The following PNLIP variants were observed in gnomAD, a reference collection of about 807,000 sequenced individuals.
PNLIP encodes the protein pancreatic lipase.
PNLIP carries 49 observed loss-of-function variants against 57.1 expected under a neutral mutation model. The ratio of observed to expected loss-of-function variants is 0.86; its 90% CI spans 0.68 to 1.09. The LOEUF is 1.09. Among genes scored for constraint, PNLIP ranks in the 50% least tolerant of loss-of-function variants. The pLI is 0.00. For missense variants in PNLIP, 503 were observed against 570.2 expected (o/e 0.88, Z 1.20); for synonymous variants, 209 against 200.4 (o/e 1.04, Z -0.36).
At chr10:116,554,455 C>G (rs551283650) in intron 6 of PNLIP, among the ~76,000 whole-genome samples, 15 of 152,114 alleles carry the variant, frequency 9.9e-5, no homozygotes, top group Admixed American at 6.5e-4. Context: ...AATGAGATAA[C>G]GAATAGTATT....
chr10:116,558,769 C>T (rs1173714941), intron 9 of PNLIP, among the ~76,000 whole-genome samples: 2 of 151,654 alleles, frequency 1.3e-5, no homozygotes, highest in African/African-American at 2.4e-5. Context: ...GGATTACAGG[C>T]GCCTGCCACC....
intron 6 of PNLIP, 48 bp from the exon 7 acceptor site, chr10:116,555,130 T>G (rs778476564): frequency 3.1e-6 from 5 of 1,607,494 alleles, no homozygotes; most frequent in Non-Finnish European, 4.3e-6. Context: ...CTCTTAATAC[T>G]TGTACTCAGG....
chr10:116,550,942 A>G (rs1475391597), intron 4 of PNLIP, among the ~76,000 whole-genome samples, 156 bp from the exon 5 acceptor site: 1 of 152,246 alleles, frequency 6.6e-6, no homozygotes, highest in Non-Finnish European at 1.5e-5. Context: ...CAGAGATTAT[A>G]TATCTATAAC....
intron 12 of PNLIP, among the ~76,000 whole-genome samples, chr10:116,565,268 A>AAAC (rs1251179391): frequency 6.7e-6 from 1 of 149,838 alleles, no homozygotes; most frequent in Non-Finnish European, 1.5e-5. Context: ...AAAAAAAAAA[A>AAAC]AAAGAGCTAA....
At chr10:116,550,852 G>C (rs1311614938) in intron 4 of PNLIP, among the ~76,000 whole-genome samples, 1 of 152,138 alleles carries the variant, frequency 6.6e-6, no homozygotes, top group Non-Finnish European at 1.5e-5. Flanking sequence ...AAATGTCTCT[G>C]TATCTGCTAC....
chr10:116,565,738 G>A (rs1222704240), intron 12 of PNLIP, among the ~76,000 whole-genome samples: 3 of 152,174 alleles, frequency 2.0e-5, no homozygotes, highest in East Asian at 1.9e-4. Flanking sequence ...CTGAGTCAGC[G>A]ATTTTGGTGT....
chr10:116,555,167 C>G lies in PNLIP; in HGVS notation c.572-11C>G. Reference sequence around the variant, plus strand: ...CTTGTCATAATTCATGAAACATACTCTTTACTTTAGGGTTGGACCCAGCAG... The same window carrying G: ...CTTGTCATAATTCATGAAACATACTGTTTACTTTAGGGTTGGACCCAGCAG... On this transcript the variant is annotated splice_polypyrimidine_tract_variant and intron_variant, in intron 6 of 12. Transcript: ENST00000369221. 6.2e-7 allele frequency: 1 copy of G among 1,614,008 alleles called. No homozygotes were observed. Among genetic ancestry groups the G allele is most frequent in the Non-Finnish European group, 8.5e-7 (1 of 1,179,898 alleles).
In PNLIP at chr10:116,548,076, C is replaced by T. The variant is rs188304121; in HGVS notation, c.202-284C>T. On this transcript the variant is annotated intron_variant, in intron 3 of 12. Coordinates refer to ENST00000369221, the MANE Select transcript of PNLIP (RefSeq NM_000936.4). ...ATAAAGACATATAAAAATACACACA[C>T]GCACACACACACACACAAAGCCTTC... is the stretch of plus-strand genomic sequence containing the variant. Among the ~76,000 whole-genome samples the T allele has an allele frequency of 9.0e-3, 1,364 of 151,814 alleles. 17 individuals carry two copies. The highest frequency in any genetic ancestry group is 0.014 in the Middle Eastern group (4 of 294).
At position 116,559,143 on chromosome 10, in the gene PNLIP, GT is replaced by G. The variant is rs769785446; in HGVS notation, c.931-7del. 1 of 1,603,832 alleles carries G rather than the reference GT, an allele frequency of 6.2e-7. No individual in the cohort carries two copies. Among genetic ancestry groups the G allele is most frequent in the Admixed American group, 1.7e-5 (1 of 57,318 alleles). The stretch of plus-strand genomic sequence containing the variant: ...GGGCATCCTCATTCATCATTTGTTT[GT>G]TTTCACTAGAACAAGTGTTTCCCTT... On this transcript the variant is annotated splice_polypyrimidine_tract_variant and intron_variant, in intron 9 of 12. Transcript: ENST00000369221.
At chr10:116,547,651 G>T (rs953082941) in intron 3 of PNLIP, among the ~76,000 whole-genome samples, 1 of 150,668 alleles carries the variant, frequency 6.6e-6, no homozygotes, top group African/African-American at 2.4e-5. Context: ...GCGTGAACCC[G>T]GGAGGCAGAG....
intron 9 of PNLIP, among the ~76,000 whole-genome samples, chr10:116,557,732 C>T (rs1288630296): frequency 5.9e-5 from 9 of 152,130 alleles, no homozygotes; most frequent in Non-Finnish European, 1.5e-5. Flanking sequence ...CCCTGCCCCT[C>T]ACAGTGGGAA....
chr10:116,560,570 TGAGTCG>T, intron 11 of PNLIP, 46 bp downstream of exon 11: 1 of 779,736 alleles, frequency 1.3e-6, no homozygotes, highest in Non-Finnish European at 2.0e-6. Flanking sequence ...TTTTTTTTTT[TGAGTCG>T]GAGTCTCGCT....
intron 3 of PNLIP, among the ~76,000 whole-genome samples, chr10:116,547,968 T>A (rs992042552): frequency 6.6e-6 from 1 of 152,060 alleles, no homozygotes; most frequent in Non-Finnish European, 1.5e-5. Context: ...TGTAGGGCTA[T>A]ATTTATACAT....
At chr10:116,549,041 T>C (rs1452261447) in intron 4 of PNLIP, among the ~76,000 whole-genome samples, 1 of 152,200 alleles carries the variant, frequency 6.6e-6, no homozygotes, top group African/African-American at 2.4e-5. Context: ...GAAAATCAAA[T>C]AGAATAAATT....
chr10:116,558,734 C>T (rs1306736288), intron 9 of PNLIP, among the ~76,000 whole-genome samples: 1 of 151,810 alleles, frequency 6.6e-6, no homozygotes, highest in Non-Finnish European at 1.5e-5. Flanking sequence ...AAGCGATTCT[C>T]CTGCCTCAGC....
At chr10:116,557,747 G>C (rs1285589889) in intron 9 of PNLIP, among the ~76,000 whole-genome samples, 2 of 152,124 alleles carry the variant, frequency 1.3e-5, no homozygotes, top group Non-Finnish European at 2.9e-5. Flanking sequence ...TGGGAATTGG[G>C]ACACTTGTCC....
chr10:116,555,187 C>T lies in PNLIP; in HGVS notation c.581C>T (p.Pro194Leu), dbSNP rs761653263. Residue 194 changes from proline (P) to leucine (L), a missense_variant, in exon 7 of 13, where the codon CCA (proline) becomes CTA (leucine). Transcript: ENST00000369221. ...GTIGRITGLD[P>L]AEPCFQGTPE... Reference sequence around the variant, plus strand: ...ATACTCTTTACTTTAGGGTTGGACCCAGCAGAACCTTGCTTTCAGGGCACA... The same window carrying T: ...ATACTCTTTACTTTAGGGTTGGACCTAGCAGAACCTTGCTTTCAGGGCACA... The T allele has an allele frequency of 1.9e-6, 3 of 1,614,122 alleles. No individual in the cohort carries two copies. Among genetic ancestry groups the T allele is most frequent in the South Asian group, 1.1e-5 (1 of 91,078 alleles).
chr10:116,559,151 T>C lies in PNLIP; in HGVS notation c.931-3T>C, dbSNP rs1302392413. The C allele has an allele frequency of 6.2e-6, 10 of 1,607,088 alleles. No homozygotes were observed. The highest frequency in any genetic ancestry group is 8.5e-6 in the Non-Finnish European group (10 of 1,178,076). On this transcript the variant is annotated splice_region_variant and splice_polypyrimidine_tract_variant and intron_variant, in intron 9 of 12. Coordinates refer to ENST00000369221, the MANE Select transcript of PNLIP (RefSeq NM_000936.4). ...TCATTCATCATTTGTTTGTTTTCAC[T>C]AGAACAAGTGTTTCCCTTGTCCAAG... is the stretch of plus-strand genomic sequence containing the variant.
intron 12 of PNLIP, 102 bp downstream of exon 12, chr10:116,561,738 G>T (rs190804932): frequency 2.0e-6 from 2 of 1,005,196 alleles, no homozygotes; most frequent in Non-Finnish European, 2.9e-6. Flanking sequence ...ACAGGGGATC[G>T]CCTACATCCT....
Sources: gnomAD v4.1 joint callset for allele counts (sites outside exome capture counted in the v4.1 genomes callset) on GRCh38, gnomAD v4.1.1 for gene constraint, MANE v1.5 for transcripts, NCBI Gene and HGNC (gene_info 2026-07-23, HGNC 2026-07-21) for gene names.